Variants in PTPDC1 observed in about 807,000 individuals in gnomAD.
The protein encoded by PTPDC1 is protein tyrosine phosphatase domain-containing protein 1.
Under a neutral mutation model 75.3 loss-of-function variants are expected in PTPDC1, and 53 were observed. That is an observed-to-expected ratio of 0.70 (90% CI 0.56 to 0.88). The LOEUF is 0.88. Among genes scored for constraint, PTPDC1 ranks in the 40% least tolerant of loss-of-function variants. PTPDC1 has a pLI of 0.00. For missense variants in PTPDC1, 925 were observed against 998.6 expected, an observed-to-expected ratio of 0.93 and a Z score of 0.99; for synonymous variants, 349 against 366.2, an observed-to-expected ratio of 0.95 and a Z score of 0.54.
At chr9:94,038,788 G>A (rs1258496515) in intron 1 of PTPDC1, among the ~76,000 whole-genome samples, 1 of 152,174 alleles carries the variant, frequency 6.6e-6, no homozygotes, top group Non-Finnish European at 1.5e-5. Flanking sequence ...AAAGGCAAGG[G>A]TTGAAGATAA....
chr9:94,098,453 T>C lies in PTPDC1; in HGVS notation c.1887T>C (p.Ala629=), dbSNP rs561330583. Reference sequence around the variant, plus strand: ...ACAGTAAAGATCTGTCTGAAGCAGCTTCACACTCTGCATTACAGTCTGAAT... The same window carrying C: ...ACAGTAAAGATCTGTCTGAAGCAGCCTCACACTCTGCATTACAGTCTGAAT... ...TQDSKDLSEA[A]SHSALQSELS... is the part of the protein sequence containing the mutation. Residue 629 remains alanine (A), a synonymous_variant, in exon 6 of 9, where the codon GCT becomes GCC. Transcript: ENST00000620992. The C allele has an allele frequency of 6.2e-7, 1 of 1,614,200 alleles. No homozygotes were observed. Among genetic ancestry groups the C allele is most frequent in the South Asian group, 1.1e-5 (1 of 91,082 alleles).
upstream of PTPDC1, among the ~76,000 whole-genome samples, chr9:94,081,904 C>A (rs1826895613): frequency 6.6e-6 from 1 of 152,180 alleles, no homozygotes; most frequent in African/African-American, 2.4e-5. Context: ...TCTTTCAAGA[C>A]AAAGAGAAGC....
chr9:94,039,422 C>T (rs1023713172), intron 1 of PTPDC1, among the ~76,000 whole-genome samples: 2 of 151,830 alleles, frequency 1.3e-5, no homozygotes, highest in African/African-American at 4.8e-5. Flanking sequence ...GTAATAGTAG[C>T]CAGTGCAGCT....
At chr9:94,083,917 T>G (rs1278145326), upstream of PTPDC1, among the ~76,000 whole-genome samples, 5 of 152,046 alleles carry the variant, frequency 3.3e-5, no homozygotes, top group African/African-American at 1.2e-4. Flanking sequence ...AAAAATGTCT[T>G]TATTTGTTCT....
Position 94,076,833 on chromosome 9 carries a change from C to T in PTPDC1, c.83-8418C>T, listed in dbSNP as rs528838594. Among the ~76,000 whole-genome samples the T allele has an allele frequency of 1.2e-4, 18 of 152,184 alleles. 1 individual carries two copies. In the South Asian group the frequency reaches 3.7e-3, roughly 32 times the overall value. On this transcript the variant is annotated intron_variant, in intron 2 of 9. Transcript: ENST00000375360. ...GGGCTCTCATTTTTTTTTACATCCC[C>T]ATTGATACTTATTATTGTCGGGCAT...
Position 94,058,851 on chromosome 9 carries a change from C to A in PTPDC1, c.-6-5883C>A, listed in dbSNP as rs191531693. Among the ~76,000 whole-genome samples the A allele has an allele frequency of 7.9e-3, 1,196 of 152,022 alleles. 42 individuals are homozygous for A. The highest frequency in any genetic ancestry group is 0.062 in the Admixed American group (953 of 15,276). On this transcript the variant is annotated intron_variant, in intron 1 of 9. Transcript: ENST00000375360. Reference sequence around the variant, plus strand: ...AAAAATACAAAAAAAATTAGCTGGGCATGGTAGCACATGCCTGTAGTCCCA... The same window carrying A: ...AAAAATACAAAAAAAATTAGCTGGGAATGGTAGCACATGCCTGTAGTCCCA...
At position 94,084,647 on chromosome 9, in the gene PTPDC1, GGGCTCTGGCTTGGGCTCC is replaced by G. The variant is rs747488505; in HGVS notation, c.125_142del (p.Gly42_Ser47del). The G allele has an allele frequency of 2.4e-5, 38 of 1,613,296 alleles. No individual in the cohort carries two copies. Among genetic ancestry groups the G allele is most frequent in the African/African-American group, 5.3e-5 (4 of 74,898 alleles). ...TACTGCGGCTGCAGCAGGCCCGGCGGGGCTCTGGCTTGGGCTCCGGCTCTGCCACGAAGCTGCTGTCCT... is the reference window on the plus strand; with the variant it reads ...TACTGCGGCTGCAGCAGGCCCGGCGGGGCTCTGCCACGAAGCTGCTGTCCT... On this transcript the variant is annotated inframe_deletion, in exon 1 of 9. Coordinates refer to ENST00000620992, the MANE Select transcript of PTPDC1 (RefSeq NM_001253829.2).
intron 4 of PTPDC1, among the ~76,000 whole-genome samples, chr9:94,091,765 G>A (rs1284991166): frequency 2.0e-5 from 3 of 152,144 alleles, no homozygotes; most frequent in Non-Finnish European, 4.4e-5. Context: ...TTCAGCTCCT[G>A]TTATTGGTCT....
chr9:94,077,376 A>G (rs745888165), intron 2 of PTPDC1, among the ~76,000 whole-genome samples: 2 of 152,192 alleles, frequency 1.3e-5, no homozygotes, highest in African/African-American at 4.8e-5. Context: ...GCTAAGTCTT[A>G]TAAGATTGCC....
upstream of PTPDC1, among the ~76,000 whole-genome samples, chr9:94,083,715 G>A (rs1826968568): frequency 1.3e-5 from 2 of 152,046 alleles, no homozygotes; most frequent in Admixed American, 6.5e-5. Context: ...ATCTTTCTTT[G>A]TATGCCTCTG....
intron 1 of PTPDC1, among the ~76,000 whole-genome samples, chr9:94,041,061 C>G (rs533934177): frequency 6.6e-6 from 1 of 152,312 alleles, no homozygotes; most frequent in East Asian, 1.9e-4. Context: ...TGACTGATCT[C>G]TACATCTTCC....
At chr9:94,087,952 G>T in intron 3 of PTPDC1, 41 bp downstream of exon 3, 1 of 1,565,308 alleles carries the variant, frequency 6.4e-7, no homozygotes, top group Non-Finnish European at 8.8e-7. Context: ...GCAAACTCAT[G>T]TGTTTTTTTC....
intron 4 of PTPDC1, among the ~76,000 whole-genome samples, chr9:94,090,357 T>G (rs1827267812): frequency 6.7e-6 from 1 of 150,148 alleles, no homozygotes; most frequent in Admixed American, 6.7e-5. Context: ...CATTGCTTGT[T>G]TTTGTCAGGT....
chr9:94,042,248 T>G (rs111282419), intron 1 of PTPDC1, among the ~76,000 whole-genome samples: 1,643 of 152,328 alleles, frequency 0.011, 19 homozygotes, highest in Non-Finnish European at 0.018. Flanking sequence ...TACAGGGTTT[T>G]TTGTTGTTGT....
intron 1 of PTPDC1, among the ~76,000 whole-genome samples, chr9:94,057,980 T>G (rs1045747856): frequency 6.6e-6 from 1 of 152,152 alleles, no homozygotes; most frequent in Admixed American, 6.5e-5. Flanking sequence ...AAATATCTTT[T>G]GGATTTTGGA....
At chr9:94,089,398 G>A (rs1296291549) in intron 4 of PTPDC1, among the ~76,000 whole-genome samples, 3 of 145,170 alleles carry the variant, frequency 2.1e-5, no homozygotes, top group African/African-American at 7.7e-5. Flanking sequence ...TCCCTACAAA[G>A]GACATGAACT....
intron 2 of PTPDC1, among the ~76,000 whole-genome samples, chr9:94,066,920 G>T (rs1156990183): frequency 6.6e-6 from 1 of 151,602 alleles, no homozygotes; most frequent in Non-Finnish European, 1.5e-5. Context: ...AAACACAAAA[G>T]TATACAGAAT....
At chr9:94,096,374 C>A (rs960364064) in intron 5 of PTPDC1, among the ~76,000 whole-genome samples, 6 of 152,244 alleles carry the variant, frequency 3.9e-5, no homozygotes, top group South Asian at 2.1e-4. Flanking sequence ...ATACTAAGAT[C>A]TTCTGTGTCC....
At chr9:94,091,933 C>G (rs1365629006) in intron 4 of PTPDC1, among the ~76,000 whole-genome samples, 1 of 151,306 alleles carries the variant, frequency 6.6e-6, no homozygotes, top group East Asian at 1.9e-4. Flanking sequence ...GGTGATATCC[C>G]CTTTATCATT....
Sources: allele counts gnomAD v4.1 joint callset (sites outside exome capture counted in the v4.1 genomes callset), GRCh38; gene constraint gnomAD v4.1.1; transcripts MANE v1.5; gene names NCBI Gene and HGNC (gene_info 2026-07-23, HGNC 2026-07-21).